The following PARD3 variants were observed in gnomAD, a reference collection of about 807,000 sequenced individuals.
PARD3 encodes the protein partitioning defective 3 homolog.
PARD3 carries 75 observed loss-of-function variants against 155.4 expected under a neutral mutation model. The ratio of observed to expected loss-of-function variants is 0.48; its 90% CI spans 0.40 to 0.58. PARD3 has a LOEUF of 0.58. Ranked by LOEUF, PARD3 falls within the 20% of genes least tolerant of loss-of-function variation. The pLI, the probability that PARD3 is intolerant of heterozygous loss-of-function variation, is 0.00. For synonymous variants in PARD3, 576 were observed against 610.5 expected, an observed-to-expected ratio of 0.94 and a Z score of 0.83; for missense variants, 1,642 against 1,721.7, an observed-to-expected ratio of 0.95 and a Z score of 0.82.
intron 5 of PARD3, among the ~76,000 whole-genome samples, chr10:34,410,915 T>C (rs1422856806): frequency 1.3e-5 from 2 of 152,156 alleles, no homozygotes; most frequent in Non-Finnish European, 2.9e-5. Context: ...CAGGCATCCA[T>C]CTGGGCCCAA....
intron 2 of PARD3, among the ~76,000 whole-genome samples, chr10:34,604,168 C>T (rs1228476927): frequency 1.3e-5 from 2 of 152,088 alleles, no homozygotes; most frequent in African/African-American, 2.4e-5. Context: ...TCCCAGTTTT[C>T]GGAGGAGAAG....
intron 16 of PARD3, 48 bp from the exon 17 acceptor site, chr10:34,337,474 C>A: frequency 7.5e-7 from 1 of 1,329,720 alleles, no homozygotes; most frequent in Non-Finnish European, 1.0e-6. Flanking sequence ...AAAAATAGCA[C>A]GCATCCATTT....
intron 1 of PARD3, among the ~76,000 whole-genome samples, chr10:34,809,527 C>T (rs1332135428): frequency 2.0e-5 from 3 of 152,130 alleles, no homozygotes; most frequent in Admixed American, 6.5e-5. Flanking sequence ...CTAAGACTCA[C>T]GAATGAGTGC....
At chr10:34,573,318 T>C (rs758714349) in intron 2 of PARD3, among the ~76,000 whole-genome samples, 3 of 152,194 alleles carry the variant, frequency 2.0e-5, no homozygotes, top group Non-Finnish European at 2.9e-5. Flanking sequence ...ATCACACCAC[T>C]GCACTCCAGC....
At chr10:34,414,062 G>C (rs1564686763) in intron 5 of PARD3, among the ~76,000 whole-genome samples, 1 of 152,102 alleles carries the variant, frequency 6.6e-6, no homozygotes, top group East Asian at 1.9e-4. Flanking sequence ...GCTGGGAGTG[G>C]TAACACGTGC....
At chr10:34,316,059 C>T (rs1368843694) in intron 20 of PARD3, among the ~76,000 whole-genome samples, 1 of 152,120 alleles carries the variant, frequency 6.6e-6, no homozygotes, top group Non-Finnish European at 1.5e-5. Flanking sequence ...AGGTCAATTT[C>T]AGGATTGTAA....
chr10:34,519,965 C>CGTGT lies in PARD3; in HGVS notation c.223-2807_223-2806insACAC, dbSNP rs1334425563. On this transcript the variant is annotated intron_variant, in intron 2 of 24. Coordinates refer to ENST00000374788, the MANE Select transcript of PARD3 (RefSeq NM_001184785.2). Reference sequence around the variant, plus strand: ...CACCTTGGAGCTTCACCCTTCAATCCCACACCTAGCAACTCAGCTTAGCCT... The same window carrying CGTGT: ...CACCTTGGAGCTTCACCCTTCAATCCGTGTCACACCTAGCAACTCAGCTTAGCCT... 2.0e-5 allele frequency among the ~76,000 whole-genome samples: 3 copies of CGTGT among 152,048 alleles called. No homozygotes were observed. The East Asian group carries it at 5.8e-4, about 29-fold the overall frequency.
At chr10:34,421,512 G>A (rs1564694745) in intron 5 of PARD3, among the ~76,000 whole-genome samples, 1 of 151,582 alleles carries the variant, frequency 6.6e-6, no homozygotes, top group African/African-American at 2.4e-5. Flanking sequence ...AAAAGCACAG[G>A]AATCACTACC....
chr10:34,374,851 T>C (rs1196074930), intron 11 of PARD3, 23 bp downstream of exon 11: 6 of 1,610,222 alleles, frequency 3.7e-6, no homozygotes, highest in Non-Finnish European at 5.1e-6. Flanking sequence ...CAGAAATCTT[T>C]CATCTACTCT....
chr10:34,156,099 T>C (rs1948992939), intron 22 of PARD3, among the ~76,000 whole-genome samples: 1 of 152,126 alleles, frequency 6.6e-6, no homozygotes. Context: ...TGACTGATTC[T>C]CATATTTTTC....
At chr10:34,678,975 A>G (rs560418847) in intron 2 of PARD3, among the ~76,000 whole-genome samples, 2 of 152,192 alleles carry the variant, frequency 1.3e-5, no homozygotes, top group South Asian at 4.2e-4. Context: ...ACCTCTTTGC[A>G]GGTTTCCCCT....
chr10:34,399,531 C>T lies in PARD3; in HGVS notation c.807-118G>A. ...ACACACAATAAACAACAAAAGAGAACAGAACAAAAATCCCACCAAGTGCAT... is the reference window on the plus strand; with the variant it reads ...ACACACAATAAACAACAAAAGAGAATAGAACAAAAATCCCACCAAGTGCAT... On this transcript the variant is annotated intron_variant, in intron 6 of 24. Coordinates refer to ENST00000374788, the MANE Select transcript of PARD3 (RefSeq NM_001184785.2). 5.7e-6 allele frequency: 4 copies of T among 705,996 alleles called. 1 individual carries two copies. In the South Asian group the frequency reaches 6.5e-5, roughly 11 times the overall value. 43.7% of individuals were successfully genotyped at this position (705,996 alleles called of 1,614,324 possible). A position where few individuals can be genotyped will look rare whatever the true frequency, so the allele number is the denominator to read the frequency against.
Position 34,548,624 on chromosome 10 carries a change from CA to C in PARD3, c.223-31466del, listed in dbSNP as rs546800940. On this transcript the variant is annotated intron_variant, in intron 2 of 24. Coordinates refer to ENST00000374788, the MANE Select transcript of PARD3 (RefSeq NM_001184785.2). The stretch of plus-strand genomic sequence containing the variant: ...TGGCATTAAAATGTCACCCTAAACA[CA>C]GCAGTCACTCAATGAATGTGGTTTA... Among the ~76,000 whole-genome samples the C allele has an allele frequency of 8.7e-4, 133 of 152,152 alleles. 1 individual carries two copies. Among genetic ancestry groups the C allele is most frequent in the African/African-American group, 3.1e-3 (127 of 41,516 alleles).
chr10:34,728,300 T>C (rs1014143723), intron 1 of PARD3, among the ~76,000 whole-genome samples: 7 of 152,194 alleles, frequency 4.6e-5, no homozygotes, highest in Non-Finnish European at 8.8e-5. Context: ...TCAGGAAGCC[T>C]GTACATTAAA....
At chr10:34,771,231 G>A (rs540015661) in intron 1 of PARD3, among the ~76,000 whole-genome samples, 2 of 152,348 alleles carry the variant, frequency 1.3e-5, no homozygotes, top group African/African-American at 4.8e-5. Flanking sequence ...GATGCTAAAT[G>A]TGCTGGGCAC....
At chr10:34,259,630 G>A (rs190516111) in intron 22 of PARD3, among the ~76,000 whole-genome samples, 6 of 152,252 alleles carry the variant, frequency 3.9e-5, no homozygotes, top group Admixed American at 6.5e-5. Context: ...AAATTAGGGC[G>A]TGGGCATCTT....
At chr10:34,340,234 C>T (rs1013381373) in intron 16 of PARD3, among the ~76,000 whole-genome samples, 2 of 152,160 alleles carry the variant, frequency 1.3e-5, no homozygotes, top group South Asian at 2.1e-4. Context: ...CTTTATAATG[C>T]CCCAAAGACT....
At chr10:34,178,693 G>C (rs985376055) in intron 22 of PARD3, among the ~76,000 whole-genome samples, 1 of 152,180 alleles carries the variant, frequency 6.6e-6, no homozygotes, top group Non-Finnish European at 1.5e-5. Context: ...CTACAAAGGA[G>C]TAGACATTTG....
intron 2 of PARD3, among the ~76,000 whole-genome samples, chr10:34,525,992 GA>G (rs1179011085): frequency 2.7e-5 from 4 of 149,238 alleles, no homozygotes; most frequent in Non-Finnish European, 5.9e-5. Context: ...GAGGCAAGGG[GA>G]ATCGCTTGAA....
Sources: gnomAD v4.1 joint callset for allele counts (sites outside exome capture counted in the v4.1 genomes callset) on GRCh38, gnomAD v4.1.1 for gene constraint, MANE v1.5 for transcripts, NCBI Gene and HGNC (gene_info 2026-07-23, HGNC 2026-07-21) for gene names.